PLEKHA1: variants seen among roughly 807,000 people sequenced by gnomAD.
PLEKHA1 encodes the protein pleckstrin homology domain-containing family A member 1.
Under a neutral mutation model 52.0 loss-of-function variants are expected in PLEKHA1, and 34 were observed. The observed-to-expected ratio is 0.65, with a 90% CI of 0.50 to 0.87. PLEKHA1 has a LOEUF of 0.87. PLEKHA1 is among the 40% of genes least tolerant of loss of function. PLEKHA1 has a pLI of 0.00. For synonymous variants in PLEKHA1, 163 were observed against 170.7 expected (o/e 0.95, Z 0.35); for missense variants, 497 against 504.2 (o/e 0.99, Z 0.14).
chr10:122,415,985 G>A lies in PLEKHA1; in HGVS notation c.595G>A (p.Val199Ile), dbSNP rs2097168948. 1.2e-6 allele frequency: 2 copies of A among 1,612,322 alleles called. No individual in the cohort carries two copies. The highest frequency in any genetic ancestry group is 1.1e-5 in the South Asian group (1 of 90,680). Residue 199 changes from valine (V) to isoleucine (I), a missense_variant, in exon 7 of 12, where the codon GTA becomes ATA. Transcript: ENST00000368990. ...DSAVIKAGYC[V>I]KQGAVMKNWK... ...TGCGGTTATCAAAGCTGGATATTGT[G>A]TAAAACAAGGAGCAGTGGTGAGTAG...
intron 8 of PLEKHA1, chr10:122,421,637 A>AT (rs1209435647): frequency 1.3e-5 from 2 of 152,202 alleles, no homozygotes; most frequent in African/African-American, 4.8e-5. Flanking sequence ...TGTTTCAAAG[A>AT]TTAAAAAAAG....
At chr10:122,439,741 C>CA in the PLEKHA1 span, 836 of 143,978 alleles carry the variant, frequency 5.8e-3, 8 homozygotes, top group African/African-American at 0.019. Flanking sequence ...AACTCCATCT[C>CA]AAAAAAAAAA....
chr10:122,383,269 C>G (rs1368235167), intron 1 of PLEKHA1, among the ~76,000 whole-genome samples: 2 of 151,044 alleles, frequency 1.3e-5, no homozygotes, highest in African/African-American at 2.4e-5. Context: ...TCCCAGATAA[C>G]ATTTTTTTCT....
At chr10:122,411,133 G>T (rs1169749210) in intron 5 of PLEKHA1, among the ~76,000 whole-genome samples, 1 of 152,144 alleles carries the variant, frequency 6.6e-6, no homozygotes, top group Non-Finnish European at 1.5e-5. Flanking sequence ...GTTCTTAGAA[G>T]AATTCAAGAG....
At chr10:122,407,635 A>G (rs1447685209) in intron 5 of PLEKHA1, among the ~76,000 whole-genome samples, 1 of 152,206 alleles carries the variant, frequency 6.6e-6, no homozygotes, top group Non-Finnish European at 1.5e-5. Flanking sequence ...GATAGGCTCT[A>G]TTTTGATTAT....
chr10:122,385,783 G>C (rs1200107021), intron 1 of PLEKHA1, among the ~76,000 whole-genome samples: 1 of 152,182 alleles, frequency 6.6e-6, no homozygotes, highest in East Asian at 1.9e-4. Context: ...AAATACATTT[G>C]ACATTTATTA....
intron 4 of PLEKHA1, among the ~76,000 whole-genome samples, chr10:122,403,108 A>G (rs1425739832): frequency 6.6e-6 from 1 of 152,200 alleles, no homozygotes; most frequent in Non-Finnish European, 1.5e-5. Flanking sequence ...ATTACTGAAC[A>G]TTTGATGAGA....
intron 5 of PLEKHA1, among the ~76,000 whole-genome samples, chr10:122,406,978 A>T (rs898012861): frequency 4.6e-5 from 7 of 152,088 alleles, no homozygotes; most frequent in African/African-American, 1.7e-4. Context: ...TACCGGGAGG[A>T]TATATATTTT....
At chr10:122,414,821 A>T (rs1201348070) in intron 6 of PLEKHA1, among the ~76,000 whole-genome samples, 1 of 152,182 alleles carries the variant, frequency 6.6e-6, no homozygotes, top group Admixed American at 6.5e-5. Context: ...GAGGAGAAAC[A>T]TAATCTCTCA....
chr10:122,423,827 C>T (rs2097298252), intron 8 of PLEKHA1: 1 of 182,652 alleles, frequency 5.5e-6, no homozygotes, highest in Admixed American at 6.2e-5. Flanking sequence ...AGGATGTGCA[C>T]TTGCTCTGCT....
intron 6 of PLEKHA1, among the ~76,000 whole-genome samples, chr10:122,415,103 A>G (rs889028930): frequency 1.4e-4 from 22 of 152,164 alleles, no homozygotes; most frequent in African/African-American, 5.1e-4. Flanking sequence ...TCATCCATCC[A>G]TACCATGGAA....
downstream of PLEKHA1, chr10:122,436,460 T>C (rs929195168): frequency 5.3e-5 from 8 of 152,240 alleles, no homozygotes; most frequent in Non-Finnish European, 1.5e-5. Flanking sequence ...GGATTCTTGC[T>C]TTGGAAACAG....
At chr10:122,382,997 G>T (rs1299823435) in intron 1 of PLEKHA1, among the ~76,000 whole-genome samples, 2 of 152,278 alleles carry the variant, frequency 1.3e-5, no homozygotes, top group Admixed American at 1.3e-4. Flanking sequence ...TGCCAGCAAT[G>T]TAAGAGTTTC....
chr10:122,374,744 G>A lies in PLEKHA1; in HGVS notation c.-83G>A, dbSNP rs1313748495. ...GCTGGCCGTCGCGGACGCCGCTCCG[G>A]GCAGCCGAGCCTCTGTGGGAGCCGG... On this transcript the variant is annotated 5_prime_UTR_variant, in exon 1 of 12. Coordinates refer to ENST00000368990, the MANE Select transcript of PLEKHA1 (RefSeq NM_001001974.4). The A allele has an allele frequency of 6.6e-6, 1 of 151,866 alleles. No homozygotes were observed. The highest frequency in any genetic ancestry group is 1.5e-5 in the Non-Finnish European group (1 of 67,984). The allele number at this position is 151,866 out of a possible 1,614,324, so 9.4% of individuals were successfully genotyped here.
chr10:122,400,815 A>G (rs960785791), intron 4 of PLEKHA1, among the ~76,000 whole-genome samples: 1 of 152,200 alleles, frequency 6.6e-6, no homozygotes, highest in African/African-American at 2.4e-5. Flanking sequence ...TTACCCAGCA[A>G]ATGTTTAGTA....
chr10:122,381,167 TG>T (rs1405789420), intron 1 of PLEKHA1, among the ~76,000 whole-genome samples: 11 of 152,096 alleles, frequency 7.2e-5, no homozygotes, highest in African/African-American at 2.7e-4. Flanking sequence ...TAGATTGAAG[TG>T]GGGTAAGGGC....
chr10:122,419,708 T>C (rs1027432894), intron 8 of PLEKHA1: 1 of 152,176 alleles, frequency 6.6e-6, no homozygotes, highest in African/African-American at 2.4e-5. Flanking sequence ...ATTTTTAGTA[T>C]TTAGAAATTG....
At chr10:122,382,160 C>T (rs2096623869) in intron 1 of PLEKHA1, among the ~76,000 whole-genome samples, 1 of 152,166 alleles carries the variant, frequency 6.6e-6, no homozygotes, top group African/African-American at 2.4e-5. Context: ...CTATATAAAT[C>T]ACTTATTTAA....
intron 1 of PLEKHA1, among the ~76,000 whole-genome samples, chr10:122,379,848 A>G (rs2901306): frequency 1.3e-5 from 2 of 152,066 alleles, no homozygotes; most frequent in Non-Finnish European, 2.9e-5. Context: ...GCTTTTTCTT[A>G]TATCACTCAG....
Sources: allele counts gnomAD v4.1 joint callset (sites outside exome capture counted in the v4.1 genomes callset), GRCh38; gene constraint gnomAD v4.1.1; transcripts MANE v1.5; gene names NCBI Gene and HGNC (gene_info 2026-07-23, HGNC 2026-07-21).